Variants in RNF157 observed in about 807,000 individuals in gnomAD.
RNF157 encodes the protein E3 ubiquitin ligase RNF157.
Under a neutral mutation model 88.3 loss-of-function variants are expected in RNF157, and 55 were observed. The ratio of observed to expected loss-of-function variants is 0.62; its 90% CI spans 0.50 to 0.78. The LOEUF (loss-of-function observed/expected upper bound fraction) is 0.78, where lower values mean the gene tolerates loss of function less well. RNF157 is among the 30% of genes least tolerant of loss of function. The pLI is 0.00. For synonymous variants in RNF157, 334 were observed against 341.2 expected (o/e 0.98, Z 0.23); for missense variants, 788 against 860.8 (o/e 0.92, Z 1.06).
intron 2 of RNF157, among the ~76,000 whole-genome samples, chr17:76,177,067 G>A (rs1295450399): frequency 6.6e-6 from 1 of 152,108 alleles, no homozygotes; most frequent in East Asian, 1.9e-4. Context: ...GTCCCAGACT[G>A]CCCGTGAAGC....
chr17:76,153,442 A>T (rs1450910056), intron 17 of RNF157: 8 of 152,274 alleles, frequency 5.3e-5, no homozygotes, highest in Non-Finnish European at 7.3e-5. Flanking sequence ...AGCAGAAGCA[A>T]TAGGATGACA....
intron 1 of RNF157, among the ~76,000 whole-genome samples, chr17:76,231,768 T>C (rs1473694003): frequency 6.6e-6 from 1 of 152,254 alleles, no homozygotes; most frequent in Non-Finnish European, 1.5e-5. Context: ...AAGAGCTTTA[T>C]TGAAGTATAA....
At chr17:76,200,904 C>G (rs6501860) in intron 2 of RNF157, among the ~76,000 whole-genome samples, 26,733 of 151,952 alleles carry the variant, frequency 0.18, 5,966 homozygotes, top group African/African-American at 0.53. Context: ...CCCTGACTCT[C>G]CTCCTCCCCA....
intron 2 of RNF157, among the ~76,000 whole-genome samples, chr17:76,178,822 T>G (rs1379816597): frequency 6.6e-6 from 1 of 151,996 alleles, no homozygotes; most frequent in East Asian, 1.9e-4. Flanking sequence ...GTTATTTTTC[T>G]CTCTTTTTTT....
chr17:76,183,079 C>T (rs766782769), intron 2 of RNF157, among the ~76,000 whole-genome samples: 2 of 151,778 alleles, frequency 1.3e-5, no homozygotes, highest in African/African-American at 2.4e-5. Flanking sequence ...GGATTACAGG[C>T]GTCTGCCACC....
rs761270549 is a variant in RNF157, at chr17:76,162,608, A to G, written c.736T>C (p.Tyr246His). The change falls in exon 9 of 19, where the codon TAC becomes CAC. Residue 246 changes from tyrosine (Y) to histidine (H), a missense_variant. Tyr to His is a moderately conservative substitution (Grantham distance 83). Coordinates refer to ENST00000269391, the MANE Select transcript of RNF157 (RefSeq NM_052916.3). ...KQKQVVDGVS[Y>H]LLQEIYGIEN... ...ATTCCATAGATCTCCTGAAGGAGGT[A>G]GCTGACCCCGTCTACCTGAACAGCA... is the stretch of plus-strand genomic sequence containing the variant. The G allele has an allele frequency of 1.2e-6, 2 of 1,612,538 alleles. No homozygotes were observed. The highest frequency in any genetic ancestry group is 1.1e-5 in the South Asian group (1 of 90,664).
At chr17:76,178,409 G>A (rs559084707) in intron 2 of RNF157, among the ~76,000 whole-genome samples, 11 of 152,382 alleles carry the variant, frequency 7.2e-5, no homozygotes, top group Non-Finnish European at 1.0e-4. Context: ...GGCAGCTGGC[G>A]TGTCTGACTG....
intron 2 of RNF157, among the ~76,000 whole-genome samples, chr17:76,197,572 T>C (rs1310215590): frequency 6.6e-6 from 1 of 152,178 alleles, no homozygotes; most frequent in Non-Finnish European, 1.5e-5. Flanking sequence ...TTTTTACTTA[T>C]TTATTAATTT....
chr17:76,166,315 CAG>C, intron 6 of RNF157, 144 bp downstream of exon 6: 1 of 703,868 alleles, frequency 1.4e-6, no homozygotes, highest in Non-Finnish European at 2.5e-6. Flanking sequence ...CTTGGAGTCA[CAG>C]ATGTGAGAGG....
Position 76,240,029 on chromosome 17 carries a change from G to T in RNF157, c.88+124C>A. The T allele has an allele frequency of 5.0e-6, 2 of 401,994 alleles. No homozygotes were observed. The highest frequency in any genetic ancestry group is 7.8e-6 in the Non-Finnish European group (2 of 256,016). 24.9% of individuals were successfully genotyped at this position (401,994 alleles called of 1,614,324 possible). A position where few individuals can be genotyped will look rare whatever the true frequency, so the allele number is the denominator to read the frequency against. ...CGAAGACCTCCCGCGCTCGAAGACCGTTTCGGAGCGTCCGCAACCACTGAG... is the reference window on the plus strand; with the variant it reads ...CGAAGACCTCCCGCGCTCGAAGACCTTTTCGGAGCGTCCGCAACCACTGAG... On this transcript the variant is annotated intron_variant, in intron 1 of 18. Transcript: ENST00000269391. The surrounding 1 kb of genome is among the most constrained non-coding windows in gnomAD (Gnocchi z 4.4).
chr17:76,165,682 A>C, intron 6 of RNF157, 137 bp from the exon 7 acceptor site: 1 of 787,078 alleles, frequency 1.3e-6, no homozygotes, highest in Non-Finnish European at 2.0e-6. Flanking sequence ...TATAACCCAT[A>C]CTTTTTTTTT....
At chr17:76,223,180 G>A (rs1403510481) in intron 1 of RNF157, among the ~76,000 whole-genome samples, 1 of 143,816 alleles carries the variant, frequency 7.0e-6, no homozygotes, top group African/African-American at 2.6e-5. Flanking sequence ...GTGAGCCACC[G>A]CACCCGGCCT....
intron 2 of RNF157, among the ~76,000 whole-genome samples, chr17:76,200,808 C>A (rs2069562771): frequency 6.6e-6 from 1 of 152,162 alleles, no homozygotes. Flanking sequence ...GAAAAGCAGG[C>A]CACTTCCATA....
chr17:76,192,859 T>A (rs1039395768), intron 2 of RNF157, among the ~76,000 whole-genome samples: 2 of 144,556 alleles, frequency 1.4e-5, no homozygotes, highest in Non-Finnish European at 3.0e-5. Flanking sequence ...TTTTTTTTTT[T>A]GAGACAGCAT....
At chr17:76,152,663 G>C (rs2068698688) in intron 17 of RNF157, 198 bp from the exon 18 acceptor site, 1 of 526,086 alleles carries the variant, frequency 1.9e-6, no homozygotes, top group Admixed American at 3.2e-5. Flanking sequence ...GCGCTTTCCT[G>C]CTGTTTCCCT....
intron 2 of RNF157, among the ~76,000 whole-genome samples, chr17:76,205,223 T>C (rs2069660862): frequency 6.6e-6 from 1 of 151,752 alleles, no homozygotes; most frequent in Non-Finnish European, 1.5e-5. Flanking sequence ...ACTGCAGCTT[T>C]GACCTCCTGG....
At chr17:76,178,343 C>T (rs2069137189) in intron 2 of RNF157, among the ~76,000 whole-genome samples, 2 of 152,248 alleles carry the variant, frequency 1.3e-5, no homozygotes, top group Admixed American at 1.3e-4. Context: ...GGTCCAGCCA[C>T]AGCCTCGCAG....
At chr17:76,158,591 T>A (rs915888348) in intron 12 of RNF157, 90 bp from the exon 13 acceptor site, 1 of 885,326 alleles carries the variant, frequency 1.1e-6, no homozygotes, top group African/African-American at 1.7e-5. Context: ...AAAACCCAAA[T>A]ATTTTTTGCT....
At chr17:76,192,179 T>G (rs1168494958) in intron 2 of RNF157, among the ~76,000 whole-genome samples, 1 of 152,230 alleles carries the variant, frequency 6.6e-6, no homozygotes, top group African/African-American at 2.4e-5. Context: ...ACACAGATGC[T>G]TTAGTTCCAC....
Sources: allele counts gnomAD v4.1 joint callset (sites outside exome capture counted in the v4.1 genomes callset), GRCh38; gene constraint gnomAD v4.1.1; non-coding constraint Gnocchi (gnomAD v3.1); transcripts MANE v1.5; gene names NCBI Gene and HGNC (gene_info 2026-07-23, HGNC 2026-07-21).